Variants in NKAIN3 observed in about 807,000 individuals in gnomAD.
The protein encoded by NKAIN3 is sodium/potassium transporting ATPase interacting 3.
In NKAIN3, 25 loss-of-function variants were observed where a neutral mutation model predicts 30.2. The ratio of observed to expected loss-of-function variants is 0.83; its 90% CI spans 0.60 to 1.16. The LOEUF (loss-of-function observed/expected upper bound fraction) is 1.16, where lower values mean the gene tolerates loss of function less well. Ranked by LOEUF, NKAIN3 falls within the 50% of genes most tolerant of loss-of-function variation. The pLI is 0.00. For missense variants in NKAIN3, 225 were observed against 254.1 expected (o/e 0.89, Z 0.78); for synonymous variants, 91 against 89.6 (o/e 1.02, Z -0.09).
chr8:62,965,651 TG>T lies in NKAIN3; in HGVS notation c.*246del. 1.0e-6 allele frequency: 1 copy of T among 975,724 alleles called. No homozygotes were observed. The highest frequency in any genetic ancestry group is 4.7e-5 in the South Asian group (1 of 21,072). The allele number at this position is 975,724 out of a possible 1,614,324, so 60.4% of individuals were successfully genotyped here. ...AAAAAAAAAAAGAAAAAACAGAATT[TG>T]GTTTTAAATTTTTAACAATATTTAA... On this transcript the variant is annotated 3_prime_UTR_variant, in exon 7 of 7. Coordinates refer to ENST00000623646, the MANE Select transcript of NKAIN3 (RefSeq NM_001304533.3).
At chr8:62,423,287 T>A (rs959258800) in intron 1 of NKAIN3, among the ~76,000 whole-genome samples, 1 of 151,994 alleles carries the variant, frequency 6.6e-6, no homozygotes, top group Non-Finnish European at 1.5e-5. Flanking sequence ...AAAGAAATAG[T>A]CATAGTCCCT....
At chr8:62,422,367 A>G (rs939794412) in intron 1 of NKAIN3, among the ~76,000 whole-genome samples, 4 of 152,148 alleles carry the variant, frequency 2.6e-5, no homozygotes, top group Non-Finnish European at 5.9e-5. Flanking sequence ...TGGCAATAAA[A>G]TGCTCTAACA....
At chr8:62,640,601 A>T (rs1812278165) in intron 3 of NKAIN3, among the ~76,000 whole-genome samples, 1 of 152,126 alleles carries the variant, frequency 6.6e-6, no homozygotes, top group African/African-American at 2.4e-5. Flanking sequence ...ATGCCTGAGG[A>T]GATGTTTCTA....
At chr8:62,522,313 TAAAC>T (rs1808183708) in intron 1 of NKAIN3, among the ~76,000 whole-genome samples, 1 of 152,154 alleles carries the variant, frequency 6.6e-6, no homozygotes, top group African/African-American at 2.4e-5. Context: ...GATGCTGGCA[TAAAC>T]AAACCTATGT....
intron 3 of NKAIN3, among the ~76,000 whole-genome samples, chr8:62,745,777 C>T (rs566145084): frequency 6.6e-6 from 1 of 152,086 alleles, no homozygotes; most frequent in African/African-American, 2.4e-5. Flanking sequence ...TTTCTTGAAA[C>T]AACTGAGGAG....
At chr8:62,668,721 G>A (rs532557108) in intron 3 of NKAIN3, among the ~76,000 whole-genome samples, 14 of 151,866 alleles carry the variant, frequency 9.2e-5, no homozygotes, top group East Asian at 3.9e-4. Flanking sequence ...AGATATAAGC[G>A]TATACTTATT....
rs1824040841 is a variant in NKAIN3, at chr8:62,980,101, T to C, written c.*14694T>C. 6.6e-6 allele frequency: 1 copy of C among 152,232 alleles called. No homozygotes were observed. Among genetic ancestry groups the C allele is most frequent in the South Asian group, 2.1e-4 (1 of 4,836 alleles). The allele number at this position is 152,232 out of a possible 1,614,324, so 9.4% of individuals were successfully genotyped here. A position where few individuals can be genotyped will look rare whatever the true frequency, so the allele number is the denominator to read the frequency against. ...GCTCAGTCCTGGCTGCCACCTTCTT[T>C]CTTTACTCTTGGTTTAAATGTAATC... On this transcript the variant is annotated 3_prime_UTR_variant, in exon 7 of 7. Coordinates refer to ENST00000623646, the MANE Select transcript of NKAIN3 (RefSeq NM_001304533.3).
chr8:62,286,482 A>G (rs1813383742), intron 1 of NKAIN3, among the ~76,000 whole-genome samples: 1 of 152,154 alleles, frequency 6.6e-6, no homozygotes, highest in African/African-American at 2.4e-5. Context: ...TCTGTGGAAG[A>G]GAGATAATGT....
At chr8:62,594,061 A>G (rs1234514784) in intron 3 of NKAIN3, among the ~76,000 whole-genome samples, 3 of 151,998 alleles carry the variant, frequency 2.0e-5, no homozygotes, top group Non-Finnish European at 4.4e-5. Flanking sequence ...GGGGCTAGCC[A>G]GATGCCTGGA....
intron 1 of NKAIN3, among the ~76,000 whole-genome samples, chr8:62,510,141 G>A (rs1167317341): frequency 6.6e-6 from 1 of 152,064 alleles, no homozygotes; most frequent in Non-Finnish European, 1.5e-5. Context: ...CTTGGTGGTG[G>A]AATCAGGGTG....
intron 5 of NKAIN3, among the ~76,000 whole-genome samples, chr8:62,947,355 G>GA (rs1409537560): frequency 6.6e-6 from 1 of 152,198 alleles, no homozygotes; most frequent in Non-Finnish European, 1.5e-5. Context: ...AAGTTCTAGT[G>GA]AAGAAGAAGA....
chr8:62,547,628 A>C (rs1035481006), intron 1 of NKAIN3, among the ~76,000 whole-genome samples: 9 of 152,184 alleles, frequency 5.9e-5, no homozygotes, highest in African/African-American at 2.2e-4. Context: ...CAAGGCCACT[A>C]TTTAAAATGG....
chr8:62,281,335 T>G (rs1813181293), intron 1 of NKAIN3, among the ~76,000 whole-genome samples: 1 of 152,148 alleles, frequency 6.6e-6, no homozygotes, highest in Non-Finnish European at 1.5e-5. Context: ...GCTCCTGGAT[T>G]CATGGATTTT....
At chr8:62,484,273 C>G (rs763584553) in intron 1 of NKAIN3, among the ~76,000 whole-genome samples, 39 of 152,204 alleles carry the variant, frequency 2.6e-4, no homozygotes, top group Non-Finnish European at 5.0e-4. Flanking sequence ...CAGTATTTCC[C>G]TCTTTCCAGG....
chr8:62,803,831 T>G (rs1398817493), intron 4 of NKAIN3, among the ~76,000 whole-genome samples: 2 of 152,128 alleles, frequency 1.3e-5, no homozygotes, highest in East Asian at 3.8e-4. Flanking sequence ...AGGAGCTGGT[T>G]TTTTGAAAGG....
Position 62,525,568 on chromosome 8 carries a change from A to C in NKAIN3, c.55-53971A>C, listed in dbSNP as rs1055886684. Among the ~76,000 whole-genome samples, 13 of 152,272 alleles carry C rather than the reference A, an allele frequency of 8.5e-5. 1 individual carries two copies. In the South Asian group the frequency reaches 1.7e-3, roughly 19 times the overall value. ...AGCTCAATCCATGTCCCTGCAAAAGAATATAAATCATTCTATCATAAAGGC... is the reference window on the plus strand; with the variant it reads ...AGCTCAATCCATGTCCCTGCAAAAGCATATAAATCATTCTATCATAAAGGC... On this transcript the variant is annotated intron_variant, in intron 1 of 6. Transcript: ENST00000623646.
chr8:62,859,166 A>T (rs1820160893), intron 4 of NKAIN3, among the ~76,000 whole-genome samples: 1 of 152,012 alleles, frequency 6.6e-6, no homozygotes, highest in African/African-American at 2.4e-5. Context: ...TGCTTCCTTT[A>T]ACTGGATATG....
intron 3 of NKAIN3, among the ~76,000 whole-genome samples, chr8:62,670,179 C>T (rs761219664): frequency 1.3e-5 from 2 of 152,130 alleles, no homozygotes; most frequent in African/African-American, 2.4e-5. Context: ...TTCTTGCTCA[C>T]GGATTAAAGA....
At chr8:62,716,659 A>C (rs1814913277) in intron 3 of NKAIN3, among the ~76,000 whole-genome samples, 5 of 152,188 alleles carry the variant, frequency 3.3e-5, no homozygotes, top group Admixed American at 3.3e-4. Context: ...CAGAGAGATT[A>C]ATATCATTCT....
Sources: gnomAD v4.1 joint callset for allele counts (sites outside exome capture counted in the v4.1 genomes callset) on GRCh38, gnomAD v4.1.1 for gene constraint, MANE v1.5 for transcripts, NCBI Gene and HGNC (gene_info 2026-07-23, HGNC 2026-07-21) for gene names.